The following NECTIN3 variants were observed in gnomAD, a reference collection of about 807,000 sequenced individuals.
The protein encoded by NECTIN3 is nectin cell adhesion molecule 3, also known as nectin-3.
Under a neutral mutation model 49.4 loss-of-function variants are expected in NECTIN3, and 8 were observed. That is an observed-to-expected ratio of 0.16 (90% CI 0.10 to 0.29). The LOEUF is 0.29. Ranked by LOEUF, NECTIN3 falls within the 10% of genes least tolerant of loss-of-function variation. NECTIN3 has a pLI of 1.00. For missense variants in NECTIN3, 581 were observed against 654.6 expected, an observed-to-expected ratio of 0.89 and a Z score of 1.23; for synonymous variants, 277 against 241.1, an observed-to-expected ratio of 1.15 and a Z score of -1.38.
chr3:111,146,449 A>AG (rs1253621088), intron 6 of NECTIN3, among the ~76,000 whole-genome samples: 1 of 151,962 alleles, frequency 6.6e-6, no homozygotes, highest in African/African-American at 2.4e-5. Flanking sequence ...AAAAAAAAAA[A>AG]AAAGAGTGAC....
chr3:111,136,103 G>A lies in NECTIN3; in HGVS notation c.*1888G>A, dbSNP rs907895077. On this transcript the variant is annotated 3_prime_UTR_variant, in exon 6 of 6. Coordinates refer to ENST00000485303, the MANE Select transcript of NECTIN3 (RefSeq NM_015480.3). Reference sequence around the variant, plus strand: ...GATGAGGTGGCCAGAAGAAAGATGGGTCTAAAATTTCTCCCCATGAAAGAT... The same window carrying A: ...GATGAGGTGGCCAGAAGAAAGATGGATCTAAAATTTCTCCCCATGAAAGAT... 36 of 983,548 alleles carry A rather than the reference G, an allele frequency of 3.7e-5. No individual in the cohort carries two copies. Among genetic ancestry groups the A allele is most frequent in the Non-Finnish European group, 4.1e-5 (34 of 828,614 alleles). The allele number at this position is 983,548 out of a possible 1,614,324, so 60.9% of individuals were successfully genotyped here.
intron 7 of NECTIN3, among the ~76,000 whole-genome samples, chr3:111,180,852 A>T (rs961881311): frequency 6.6e-6 from 1 of 152,206 alleles, no homozygotes; most frequent in Admixed American, 6.5e-5. Context: ...ATTCCAGACT[A>T]TGTCAATGAC....
At chr3:111,082,451 T>A (rs1403037579) in intron 1 of NECTIN3, among the ~76,000 whole-genome samples, 1 of 152,060 alleles carries the variant, frequency 6.6e-6, no homozygotes, top group Non-Finnish European at 1.5e-5. Flanking sequence ...AATTTTTTTT[T>A]AGATTGAGGT....
intron 7 of NECTIN3, among the ~76,000 whole-genome samples, chr3:111,180,932 A>G (rs1208480018): frequency 6.6e-6 from 1 of 152,204 alleles, no homozygotes; most frequent in Admixed American, 6.5e-5. Flanking sequence ...ATGACAAGTT[A>G]GAGTTTTTTT....
At chr3:111,151,617 T>A (rs902486504) in intron 7 of NECTIN3, among the ~76,000 whole-genome samples, 4 of 151,940 alleles carry the variant, frequency 2.6e-5, no homozygotes, top group Non-Finnish European at 4.4e-5. Flanking sequence ...AGAGATCTAT[T>A]GAACACCTGA....
chr3:111,149,560 G>C (rs1276920091), intron 7 of NECTIN3, among the ~76,000 whole-genome samples: 1 of 149,166 alleles, frequency 6.7e-6, no homozygotes, highest in Non-Finnish European at 1.5e-5. Context: ...GTTTACTTTA[G>C]GCATTTTGAT....
chr3:111,143,654 T>C (rs1028901727), intron 5 of NECTIN3, among the ~76,000 whole-genome samples: 6 of 151,934 alleles, frequency 3.9e-5, no homozygotes, highest in African/African-American at 1.4e-4. Flanking sequence ...CCAACAATTA[T>C]TGCAGTTATT....
intron 7 of NECTIN3, among the ~76,000 whole-genome samples, chr3:111,166,659 ACTC>A (rs1440276438): frequency 3.3e-5 from 5 of 151,970 alleles, no homozygotes; most frequent in African/African-American, 1.2e-4. Flanking sequence ...AAGAGACAGA[ACTC>A]CTGGGTGCAG....
At chr3:111,180,383 A>G (rs577580567) in intron 7 of NECTIN3, among the ~76,000 whole-genome samples, 66 of 152,348 alleles carry the variant, frequency 4.3e-4, no homozygotes, top group Middle Eastern at 3.4e-3. Flanking sequence ...TAGCGTACGC[A>G]TATGTGTAAT....
intron 1 of NECTIN3, among the ~76,000 whole-genome samples, chr3:111,102,605 T>G (rs1209403612): frequency 6.6e-6 from 1 of 152,244 alleles, no homozygotes; most frequent in Non-Finnish European, 1.5e-5. Context: ...TGTCTTTTTA[T>G]TCTCTTTATA....
At chr3:111,140,082 T>G (rs1308295147), downstream of NECTIN3, among the ~76,000 whole-genome samples, 1 of 151,906 alleles carries the variant, frequency 6.6e-6, no homozygotes, top group Non-Finnish European at 1.5e-5. Context: ...ATGTTGATAT[T>G]TGGTTTTTAG....
At chr3:111,157,819 A>T (rs1357890823) in intron 7 of NECTIN3, among the ~76,000 whole-genome samples, 1 of 152,058 alleles carries the variant, frequency 6.6e-6, no homozygotes, top group Admixed American at 6.6e-5. Context: ...ATAGATAGTA[A>T]ATTGAAAAGT....
chr3:111,088,451 G>T (rs960656761), intron 1 of NECTIN3, among the ~76,000 whole-genome samples: 33 of 152,118 alleles, frequency 2.2e-4, no homozygotes, highest in African/African-American at 7.2e-4. Context: ...ATGGGCTAAA[G>T]CAGGAAGTTT....
chr3:111,165,031 A>T (rs1186690632), intron 7 of NECTIN3, among the ~76,000 whole-genome samples: 1 of 151,800 alleles, frequency 6.6e-6, no homozygotes. Context: ...GATGTTTTTT[A>T]TTTTTTTATT....
In NECTIN3 at chr3:111,072,507, C is replaced by T. The variant is rs868015119; in HGVS notation, c.160+330C>T. 5.9e-5 allele frequency: 90 copies of T among 1,535,826 alleles called. No homozygotes were observed. In the African/African-American group the frequency reaches 9.7e-4, roughly 17 times the overall value. On this transcript the variant is annotated intron_variant, in intron 1 of 5. Coordinates refer to ENST00000485303, the MANE Select transcript of NECTIN3 (RefSeq NM_015480.3). Reference sequence around the variant, plus strand: ...ACTTCCTCGCTCATTCTCTGGGAACCCTCGTAGGTTAAGGTGCCGGGATGC... The same window carrying T: ...ACTTCCTCGCTCATTCTCTGGGAACTCTCGTAGGTTAAGGTGCCGGGATGC...
chr3:111,193,126 C>A, intron 1 of NECTIN3: 1 of 1,310,594 alleles, frequency 7.6e-7, no homozygotes. Flanking sequence ...GAATTCTATT[C>A]TTGCCTGTTT....
chr3:111,190,884 CAAG>C (rs2035802462), upstream of NECTIN3, among the ~76,000 whole-genome samples: 1 of 152,066 alleles, frequency 6.6e-6, no homozygotes, highest in South Asian at 2.1e-4. Flanking sequence ...GAGATAAAAA[CAAG>C]AACAATAGGA....
At chr3:111,099,716 G>T (rs2032793487) in intron 1 of NECTIN3, among the ~76,000 whole-genome samples, 1 of 152,064 alleles carries the variant, frequency 6.6e-6, no homozygotes, top group Admixed American at 6.6e-5. Flanking sequence ...GGATCAGTCT[G>T]GCTCTATACA....
chr3:111,172,189 C>T (rs2035446661), intron 7 of NECTIN3, among the ~76,000 whole-genome samples: 1 of 152,026 alleles, frequency 6.6e-6, no homozygotes. Flanking sequence ...CTCTTTCTTC[C>T]TTCTAACTTC....
Sources: gnomAD v4.1 joint callset for allele counts (sites outside exome capture counted in the v4.1 genomes callset) on GRCh38, gnomAD v4.1.1 for gene constraint, MANE v1.5 for transcripts, NCBI Gene and HGNC (gene_info 2026-07-23, HGNC 2026-07-21) for gene names.